The following DHCR24 variants were observed in gnomAD, a reference collection of about 807,000 sequenced individuals.
DHCR24 encodes the protein delta(24)-sterol reductase.
DHCR24 carries 28 observed loss-of-function variants against 61.2 expected under a neutral mutation model. That is an observed-to-expected ratio of 0.46 (90% confidence interval 0.34 to 0.63). The LOEUF (loss-of-function observed/expected upper bound fraction) is 0.63, where lower values mean the gene tolerates loss of function less well. DHCR24 is among the 20% of genes least tolerant of loss of function. The pLI is 0.01. For missense variants in DHCR24, 538 were observed against 679.1 expected, an observed-to-expected ratio of 0.79 and a Z score of 2.31; for synonymous variants, 261 against 275.9, an observed-to-expected ratio of 0.95 and a Z score of 0.54.
intron 4 of DHCR24, among the ~76,000 whole-genome samples, chr1:54,874,217 T>A (rs1463153535): frequency 6.6e-6 from 1 of 152,240 alleles, no homozygotes; most frequent in Non-Finnish European, 1.5e-5. Context: ...GTACAGTGTT[T>A]ATAAAGTCTA....
At chr1:54,872,093 C>G (rs1268339008) in intron 4 of DHCR24, among the ~76,000 whole-genome samples, 1 of 152,144 alleles carries the variant, frequency 6.6e-6, no homozygotes, top group East Asian at 1.9e-4. Flanking sequence ...GTGGGATCCA[C>G]CCCCGACAGA....
At chr1:54,884,961 A>G (rs777726483) in intron 1 of DHCR24, among the ~76,000 whole-genome samples, 3 of 152,180 alleles carry the variant, frequency 2.0e-5, no homozygotes, top group Non-Finnish European at 2.9e-5. Context: ...GGGACAGAGG[A>G]TCCTGGATCC....
chr1:54,886,681 C>T (rs1647098936), intron 1 of DHCR24: 1 of 1,507,490 alleles, frequency 6.6e-7, no homozygotes, highest in Non-Finnish European at 8.8e-7. Flanking sequence ...CGCATATGCC[C>T]TGCACACAGT....
chr1:54,871,841 AG>A (rs1255748193), intron 4 of DHCR24, among the ~76,000 whole-genome samples: 136 of 152,276 alleles, frequency 8.9e-4, no homozygotes, highest in Non-Finnish European at 1.6e-3. Flanking sequence ...CCTCACTGAG[AG>A]AGCATCCTCC....
intron 4 of DHCR24, among the ~76,000 whole-genome samples, chr1:54,872,799 C>CG (rs1163383147): frequency 6.6e-6 from 1 of 152,172 alleles, no homozygotes; most frequent in Non-Finnish European, 1.5e-5. Context: ...GACAGGGCCC[C>CG]GCAAGCGTTC....
intron 2 of DHCR24, among the ~76,000 whole-genome samples, chr1:54,878,230 GC>G (rs1433723851): frequency 6.6e-6 from 1 of 152,024 alleles, no homozygotes; most frequent in Non-Finnish European, 1.5e-5. Context: ...AATAGGCTAG[GC>G]ATGGTGGCTC....
rs1646865258 is a variant in DHCR24 at position 54,849,906 on chromosome 1, A to C, written c.*2327T>G. 6.5e-6 allele frequency: 1 copy of C among 152,680 alleles called. No homozygotes were observed. The highest frequency in any genetic ancestry group is 2.4e-5 in the African/African-American group (1 of 41,468). The allele number at this position is 152,680 out of a possible 1,614,324, so 9.5% of individuals were successfully genotyped here. On this transcript the variant is annotated 3_prime_UTR_variant, in exon 9 of 9. Coordinates refer to ENST00000371269, the MANE Select transcript of DHCR24 (RefSeq NM_014762.4). ...CTGATTCTAAAGAAAACCTTCATGCAGCCAAGAAACTCAGGGCTCTGGAGG... is the reference window on the plus strand; with the variant it reads ...CTGATTCTAAAGAAAACCTTCATGCCGCCAAGAAACTCAGGGCTCTGGAGG...
rs973217540 is a variant in DHCR24 at position 54,851,954 on chromosome 1, C to G, written c.*279G>C. 3.0e-5 allele frequency: 15 copies of G among 502,082 alleles called. No individual in the cohort carries two copies. Among genetic ancestry groups the G allele is most frequent in the Admixed American group, 6.6e-5 (2 of 30,464 alleles). The allele number at this position is 502,082 out of a possible 1,614,324, so 31.1% of individuals were successfully genotyped here. On this transcript the variant is annotated 3_prime_UTR_variant, in exon 9 of 9. Coordinates refer to ENST00000371269, the MANE Select transcript of DHCR24 (RefSeq NM_014762.4). ...TATCCCTTTCAACTAATGAAGAGAC[C>G]CGGGCTCAGAGGGGTTAAGGGACTC...
chr1:54,871,223 A>T, intron 5 of DHCR24, 127 bp downstream of exon 5: 1 of 1,055,218 alleles, frequency 9.5e-7, no homozygotes, highest in Non-Finnish European at 1.4e-6. Flanking sequence ...CCTGTACCCC[A>T]GGTGGGTTGA....
At position 54,850,655 on chromosome 1, in the gene DHCR24, G is replaced by C. The variant is rs1646869989; in HGVS notation, c.*1578C>G. 1 of 152,202 alleles carries C rather than the reference G, an allele frequency of 6.6e-6. No individual in the cohort carries two copies. 9.4% of individuals were successfully genotyped at this position (152,202 alleles called of 1,614,324 possible). On this transcript the variant is annotated 3_prime_UTR_variant, in exon 9 of 9. Coordinates refer to ENST00000371269, the MANE Select transcript of DHCR24 (RefSeq NM_014762.4). ...GGAAATGAGATGGGAGCTGACCTTGGGGTTGAAGGAAGGATCTTGAATGAC... is the reference window on the plus strand; with the variant it reads ...GGAAATGAGATGGGAGCTGACCTTGCGGTTGAAGGAAGGATCTTGAATGAC...
chr1:54,884,905 A>G (rs1467928567), intron 1 of DHCR24, among the ~76,000 whole-genome samples: 1 of 152,192 alleles, frequency 6.6e-6, no homozygotes, highest in Admixed American at 6.5e-5. Context: ...GTCAACCTAG[A>G]AAAGCAGGGC....
rs565227538 is a variant in DHCR24 at position 54,867,103 on chromosome 1, T to C, written c.877-1657A>G. ...GAAAGAACCCAGATAGTCTGTCTTTTCCAGGCACACACCAGCTGAGGAGGC... is the reference window on the plus strand; with the variant it reads ...GAAAGAACCCAGATAGTCTGTCTTTCCCAGGCACACACCAGCTGAGGAGGC... On this transcript the variant is annotated intron_variant, in intron 5 of 8. Coordinates refer to ENST00000371269, the MANE Select transcript of DHCR24 (RefSeq NM_014762.4). Among the ~76,000 whole-genome samples the C allele has an allele frequency of 1.9e-4, 29 of 152,266 alleles. No individual in the cohort carries two copies. The East Asian group carries it at 5.2e-3, about 27-fold the overall frequency.
At chr1:54,855,881 T>C (rs1250565804) in intron 6 of DHCR24, among the ~76,000 whole-genome samples, 1 of 152,160 alleles carries the variant, frequency 6.6e-6, no homozygotes, top group African/African-American at 2.4e-5. Flanking sequence ...TCCCTGCGCA[T>C]TCCTGACCCT....
chr1:54,865,220 A>G, intron 6 of DHCR24, 83 bp downstream of exon 6: 2 of 1,514,662 alleles, frequency 1.3e-6, no homozygotes, highest in Non-Finnish European at 1.8e-6. Flanking sequence ...CTGAAGGGAG[A>G]GAGTATGGCT....
rs745622337 is a variant in DHCR24 at position 54,876,030 on chromosome 1, G to A, written c.405C>T (p.Pro135=). The change falls in exon 3 of 9, where the codon CCC becomes CCT. Residue 135 remains proline, a synonymous_variant. Transcript: ENST00000371269. ...CAGTCACCTGGCCCATGGTCACCAA[G>A]GGCTCCACACGGACAATCTGTTGAC... is the stretch of plus-strand genomic sequence containing the variant. ...DTKKQIVRVE[P]LVTMGQVTAL... The A allele has an allele frequency of 6.2e-7, 1 of 1,613,944 alleles. No individual in the cohort carries two copies. Among genetic ancestry groups the A allele is most frequent in the Non-Finnish European group, 8.5e-7 (1 of 1,179,884 alleles).
At chr1:54,852,417 C>T in intron 8 of DHCR24, 31 bp from the exon 9 acceptor site, 1 of 1,613,006 alleles carries the variant, frequency 6.2e-7, no homozygotes, top group Non-Finnish European at 8.5e-7. Flanking sequence ...GTGAGGACGC[C>T]AGGAGGCACA....
chr1:54,865,474 G>A (rs1646963427), intron 5 of DHCR24, 28 bp from the exon 6 acceptor site: 1 of 1,613,428 alleles, frequency 6.2e-7, no homozygotes. Flanking sequence ...ATTGTGATCA[G>A]CCTGCAGACA....
At position 54,883,773 on chromosome 1, in the gene DHCR24, C is replaced by T. The variant is rs750362375; in HGVS notation, c.232G>A (p.Val78Met). The T allele has an allele frequency of 7.4e-6, 12 of 1,614,120 alleles. No homozygotes were observed. Among genetic ancestry groups the T allele is most frequent in the Non-Finnish European group, 7.6e-6 (9 of 1,180,032 alleles). Reference protein sequence around the residue: ...EQRVRDIQKQVREWKEQGSKT... With the variant: ...EQRVRDIQKQMREWKEQGSKT... ...CTACCCTGCTCCTTCCATTCCCGCA[C>T]CTGCAACCACAGGACAGAGGGTGAG... Residue 78 changes from valine (V) to methionine (M), a missense_variant and splice_region_variant, in exon 2 of 9, where the codon GTG becomes ATG. Physicochemically the swap from Val to Met is conservative, Grantham distance 21. Coordinates refer to ENST00000371269, the MANE Select transcript of DHCR24 (RefSeq NM_014762.4). The surrounding 1 kb of genome is among the most constrained non-coding windows in gnomAD (Gnocchi z 4.3).
At chr1:54,853,660 G>A in intron 7 of DHCR24, 48 bp from the exon 8 acceptor site, 1 of 1,576,830 alleles carries the variant, frequency 6.3e-7, no homozygotes, top group South Asian at 1.1e-5. Flanking sequence ...TCCAACAGGT[G>A]ACAGGCTCAT....
Sources: allele counts gnomAD v4.1 joint callset (sites outside exome capture counted in the v4.1 genomes callset), GRCh38; gene constraint gnomAD v4.1.1; non-coding constraint Gnocchi (gnomAD v3.1); transcripts MANE v1.5; gene names NCBI Gene and HGNC (gene_info 2026-07-23, HGNC 2026-07-21).